TRAM2: variants seen among roughly 807,000 people sequenced by gnomAD.
The protein encoded by TRAM2 is translocating chain-associated membrane protein 2.
A neutral mutation model predicts 51.0 loss-of-function variants in TRAM2; 12 were observed. The ratio of observed to expected loss-of-function variants is 0.24; its 90% CI spans 0.15 to 0.38. TRAM2 has a LOEUF of 0.38. Ranked by LOEUF, TRAM2 falls within the 10% of genes least tolerant of loss-of-function variation. The probability of loss-of-function intolerance (pLI) is 1.00; values close to 1 mark genes in which losing one functional copy is unlikely to be tolerated. For missense variants in TRAM2, 361 were observed against 462.0 expected (o/e 0.78, Z 2.00); for synonymous variants, 175 against 179.4 (o/e 0.98, Z 0.20).
At chr6:52,516,848 G>C in intron 2 of TRAM2, 111 bp from the exon 3 acceptor site, 3 of 813,294 alleles carry the variant, frequency 3.7e-6, no homozygotes, top group Non-Finnish European at 2.1e-6. Context: ...CTACCCGTTT[G>C]CTATAGCCTC....
intron 2 of TRAM2, among the ~76,000 whole-genome samples, chr6:52,527,882 G>GA (rs970545157): frequency 1.9e-4 from 29 of 151,480 alleles, no homozygotes; most frequent in Non-Finnish European, 2.4e-4. Context: ...TTAGTTATTG[G>GA]AAAAAAAAAT....
chr6:52,576,391 T>C (rs944406078), intron 1 of TRAM2, among the ~76,000 whole-genome samples: 6 of 152,108 alleles, frequency 3.9e-5, no homozygotes, highest in Admixed American at 6.5e-5. Context: ...GGCCACCCCT[T>C]GGGGCAAGAG....
chr6:52,538,131 A>G (rs138641318), intron 1 of TRAM2, among the ~76,000 whole-genome samples: 10 of 152,364 alleles, frequency 6.6e-5, no homozygotes, highest in African/African-American at 2.4e-4. Flanking sequence ...CTGTGAAGGA[A>G]GATCAGAGGA....
intron 2 of TRAM2, among the ~76,000 whole-genome samples, chr6:52,522,317 C>T (rs1026707699): frequency 1.4e-4 from 21 of 152,260 alleles, no homozygotes; most frequent in Admixed American, 6.5e-4. Context: ...GGCGTAGCTG[C>T]ATCTCAGCCA....
intron 5 of TRAM2, 83 bp downstream of exon 5, chr6:52,509,445 G>A (rs1311890252): frequency 7.3e-7 from 1 of 1,364,656 alleles, no homozygotes; most frequent in Non-Finnish European, 1.0e-6. Flanking sequence ...CTGGGCCTGT[G>A]GTGTTCTGGC....
chr6:52,518,578 G>C (rs993798020), intron 2 of TRAM2, among the ~76,000 whole-genome samples: 3 of 152,188 alleles, frequency 2.0e-5, no homozygotes, highest in Admixed American at 6.5e-5. Context: ...CCTGAATCAA[G>C]GCAGGAGAAG....
In TRAM2 at chr6:52,576,853, G is replaced by T; in HGVS notation, c.63C>A (p.Asn21Lys). 10 of 1,613,952 alleles carry T rather than the reference G, an allele frequency of 6.2e-6. No individual in the cohort carries two copies. The highest frequency in any genetic ancestry group is 8.5e-6 in the Non-Finnish European group (10 of 1,179,868). ...PLFSQEFVIH[N>K]HADIGFCLVL... Reference sequence around the variant, plus strand: ...CCAGGCAGAAGCCGATGTCCGCATGGTTGTGGATGACGAACTCCTGGCTGA... The same window carrying T: ...CCAGGCAGAAGCCGATGTCCGCATGTTTGTGGATGACGAACTCCTGGCTGA... Residue 21 changes from asparagine (N) to lysine (K), a missense_variant, in exon 1 of 11, where the codon AAC (asparagine) becomes AAA (lysine). Asn to Lys is a moderately conservative substitution (Grantham distance 94, BLOSUM62 0). Transcript: ENST00000182527.
intron 1 of TRAM2, among the ~76,000 whole-genome samples, chr6:52,540,381 A>C (rs1171764840): frequency 1.3e-5 from 2 of 152,178 alleles, no homozygotes; most frequent in Non-Finnish European, 2.9e-5. Context: ...CAAAGAAAAG[A>C]AGCAAGGAAT....
chr6:52,550,471 A>C (rs1318554404), intron 1 of TRAM2, among the ~76,000 whole-genome samples: 1 of 152,220 alleles, frequency 6.6e-6, no homozygotes, highest in Non-Finnish European at 1.5e-5. Flanking sequence ...TATGCTACTC[A>C]AATAAAAGAA....
intron 2 of TRAM2, among the ~76,000 whole-genome samples, chr6:52,519,393 T>C (rs1233226734): frequency 6.6e-6 from 1 of 152,202 alleles, no homozygotes; most frequent in Non-Finnish European, 1.5e-5. Flanking sequence ...CCACTCATCA[T>C]TAGGGCACTA....
chr6:52,547,413 T>C (rs1048288445), intron 1 of TRAM2, among the ~76,000 whole-genome samples: 1 of 152,144 alleles, frequency 6.6e-6, no homozygotes, highest in African/African-American at 2.4e-5. Flanking sequence ...CTGCTGCTTG[T>C]GCAGTTCGGA....
At position 52,563,877 on chromosome 6, in the gene TRAM2, G is replaced by A. The variant is rs559385787; in HGVS notation, c.120+12919C>T. 6.9e-5 allele frequency among the ~76,000 whole-genome samples: 9 copies of A among 131,198 alleles called. No homozygotes were observed. The East Asian group carries it at 2.0e-3, about 29-fold the overall frequency. The allele number at this position is 131,198 out of a possible 152,430, so 86.1% of individuals were successfully genotyped here. A position where few individuals can be genotyped will look rare whatever the true frequency, so the allele number is the denominator to read the frequency against. Reference sequence around the variant, plus strand: ...TTTTTTTTTTTTTTGCCACATGAATGTATCTCCTAATGGTACCTATTCCAA... The same window carrying A: ...TTTTTTTTTTTTTTGCCACATGAATATATCTCCTAATGGTACCTATTCCAA... On this transcript the variant is annotated intron_variant, in intron 1 of 10. Coordinates refer to ENST00000182527, the MANE Select transcript of TRAM2 (RefSeq NM_012288.4).
rs986063216 is a variant in TRAM2, at chr6:52,500,653, C to T, written c.*2544G>A. The T allele has an allele frequency of 2.6e-5, 4 of 152,234 alleles. No homozygotes were observed. Among genetic ancestry groups the T allele is most frequent in the African/African-American group, 9.7e-5 (4 of 41,388 alleles). The allele number at this position is 152,234 out of a possible 1,614,324, so 9.4% of individuals were successfully genotyped here. A position where few individuals can be genotyped will look rare whatever the true frequency, so the allele number is the denominator to read the frequency against. Reference sequence around the variant, plus strand: ...TCCAAGGCATGAAGTACTGGCAGCACGGGGAGCTTGCAAGAGACAGGGACA... The same window carrying T: ...TCCAAGGCATGAAGTACTGGCAGCATGGGGAGCTTGCAAGAGACAGGGACA... On this transcript the variant is annotated 3_prime_UTR_variant, in exon 11 of 11. Coordinates refer to ENST00000182527, the MANE Select transcript of TRAM2 (RefSeq NM_012288.4).
intron 8 of TRAM2, 99 bp from the exon 9 acceptor site, chr6:52,505,841 A>C: frequency 6.7e-7 from 1 of 1,502,364 alleles, no homozygotes; most frequent in Non-Finnish European, 8.9e-7. Context: ...AGAGGATTCA[A>C]GGGTGGCTGG....
chr6:52,566,428 A>C (rs1767591897), intron 1 of TRAM2, among the ~76,000 whole-genome samples: 1 of 152,122 alleles, frequency 6.6e-6, no homozygotes, highest in Non-Finnish European at 1.5e-5. Context: ...CCCAGGTGGA[A>C]GTCCTAACCT....
intron 1 of TRAM2, among the ~76,000 whole-genome samples, chr6:52,546,220 C>T (rs1455519400): frequency 6.6e-6 from 1 of 152,158 alleles, no homozygotes; most frequent in Non-Finnish European, 1.5e-5. Context: ...AGAAATGTGA[C>T]TCCCTGGGAA....
rs915294284 is a variant in TRAM2, at chr6:52,499,016, C to T, written c.*4181G>A. The T allele has an allele frequency of 4.6e-5, 7 of 152,320 alleles. No homozygotes were observed. The highest frequency in any genetic ancestry group is 1.7e-4 in the African/African-American group (7 of 41,382). The allele number at this position is 152,320 out of a possible 1,614,324, so 9.4% of individuals were successfully genotyped here. The stretch of plus-strand genomic sequence containing the variant: ...TATAGCTCTGCCACTCCAGGGAACT[C>T]CATAAAAGAATGAGGCAGCTTTCAC... On this transcript the variant is annotated 3_prime_UTR_variant, in exon 11 of 11. Coordinates refer to ENST00000182527, the MANE Select transcript of TRAM2 (RefSeq NM_012288.4).
At chr6:52,537,807 C>T (rs1767002647) in intron 1 of TRAM2, among the ~76,000 whole-genome samples, 1 of 152,252 alleles carries the variant, frequency 6.6e-6, no homozygotes, top group Non-Finnish European at 1.5e-5. Context: ...CGGCTCATTG[C>T]TTAAGATGAA....
rs1035464282 is a variant in TRAM2, at chr6:52,564,590, TTCCCAGAGGG to T, written c.120+12196_120+12205del. 1.6e-4 allele frequency among the ~76,000 whole-genome samples: 24 copies of T among 152,166 alleles called. No individual in the cohort carries two copies. In the East Asian group the frequency reaches 4.1e-3, roughly 26 times the overall value. ...TTTTTAAAATGAACAGTCCCTACCC[TTCCCAGAGGG>T]TTTATGCTCTCTTCCCTGACACACA... On this transcript the variant is annotated intron_variant, in intron 1 of 10. Coordinates refer to ENST00000182527, the MANE Select transcript of TRAM2 (RefSeq NM_012288.4).
Sources: allele counts gnomAD v4.1 joint callset (sites outside exome capture counted in the v4.1 genomes callset), GRCh38; gene constraint gnomAD v4.1.1; transcripts MANE v1.5; gene names NCBI Gene and HGNC (gene_info 2026-07-23, HGNC 2026-07-21).